Variants in UHRF2 observed in about 807,000 individuals in gnomAD.
UHRF2 encodes E3 ubiquitin-protein ligase UHRF2.
Under a neutral mutation model 96.8 loss-of-function variants are expected in UHRF2, and 23 were observed. The ratio of observed to expected loss-of-function variants is 0.24; its 90% CI spans 0.17 to 0.34. The LOEUF (loss-of-function observed/expected upper bound fraction) is 0.34. UHRF2 is among the 10% of genes least tolerant of loss of function. The pLI, the probability that UHRF2 is intolerant of heterozygous loss-of-function variation, is 1.00. For missense variants in UHRF2, 685 were observed against 981.5 expected (o/e 0.70, Z 4.04); for synonymous variants, 385 against 332.6 (o/e 1.16, Z -1.72).
chr9:6,466,213 CAGCAGGGTGAA>C (rs1822847393), intron 4 of UHRF2, among the ~76,000 whole-genome samples: 1 of 152,056 alleles, frequency 6.6e-6, no homozygotes, highest in South Asian at 2.1e-4. Context: ...CCAGCCTGGC[CAGCAGGGTGAA>C]ACCTCATCTC....
At chr9:6,477,545 A>T in intron 5 of UHRF2, 77 bp from the exon 6 acceptor site, 1 of 1,386,952 alleles carries the variant, frequency 7.2e-7, no homozygotes, top group Non-Finnish European at 9.7e-7. Flanking sequence ...TGCTGTTTCC[A>T]TGGGCTTTTC....
intron 10 of UHRF2, chr9:6,496,986 C>T (rs1825011800): frequency 2.1e-6 from 1 of 485,044 alleles, no homozygotes; most frequent in East Asian, 3.1e-5. Flanking sequence ...ATCTGAGAAC[C>T]AATCCCCTGG....
chr9:6,493,493 C>T (rs572635767), intron 9 of UHRF2, among the ~76,000 whole-genome samples: 1 of 152,206 alleles, frequency 6.6e-6, no homozygotes, highest in African/African-American at 2.4e-5. Context: ...TAAGTTTTAA[C>T]ATTGAATTGA....
intron 2 of UHRF2, among the ~76,000 whole-genome samples, chr9:6,424,776 A>ATT (rs200890506): frequency 0.016 from 2,153 of 135,016 alleles, 32 homozygotes; most frequent in Non-Finnish European, 0.023. Context: ...ATTTCTCAGG[A>ATT]TTTTTTTTTT....
intron 14 of UHRF2, 137 bp downstream of exon 14, chr9:6,500,846 T>A: frequency 1.3e-6 from 1 of 747,610 alleles, no homozygotes. Flanking sequence ...CCACTACCTT[T>A]CAGAAATAAT....
chr9:6,468,209 A>G (rs568208403), intron 4 of UHRF2, among the ~76,000 whole-genome samples: 4 of 152,354 alleles, frequency 2.6e-5, no homozygotes, highest in East Asian at 3.9e-4. Context: ...ATTATGATCA[A>G]TGGCATTTAG....
At chr9:6,462,281 C>CG (rs1369683503) in intron 4 of UHRF2, among the ~76,000 whole-genome samples, 1 of 118,594 alleles carries the variant, frequency 8.4e-6, no homozygotes, top group African/African-American at 3.2e-5. Flanking sequence ...AAACTACTTA[C>CG]TTTCTGGCTC....
chr9:6,477,837 G>C, intron 6 of UHRF2, 29 bp downstream of exon 6: 2 of 1,537,110 alleles, frequency 1.3e-6, no homozygotes, highest in Middle Eastern at 1.7e-4. Context: ...TGTTGTTGTT[G>C]TTCTTGCTGT....
chr9:6,480,120 C>T (rs1184976370), intron 6 of UHRF2, among the ~76,000 whole-genome samples: 1 of 152,154 alleles, frequency 6.6e-6, no homozygotes, highest in Admixed American at 6.5e-5. Context: ...ACTTACTAAC[C>T]TTGGTCTCTA....
At position 6,498,055 on chromosome 9, in the gene UHRF2, G is replaced by C. The variant is rs749567384; in HGVS notation, c.1805G>C (p.Gly602Ala). 1 of 1,613,508 alleles carries C rather than the reference G, an allele frequency of 6.2e-7. No individual in the cohort carries two copies. Among genetic ancestry groups the C allele is most frequent in the South Asian group, 1.1e-5 (1 of 91,048 alleles). ...KYWPEISSSH[G>A]FLVWRYLLRR... ...TGGCCAGAGATTTCATCAAGCCATG[G>C]ATTCTTGGTTTGGCGCTATCTTTTA... Residue 602 changes from glycine to alanine, a missense_variant, in exon 12 of 16, where the codon GGA becomes GCA. Around this residue, in one of 6 missense-constraint regions of UHRF2, gnomAD observed 73 missense variants for 283.7 expected, o/e 0.26. Transcript: ENST00000276893.
chr9:6,495,524 T>C (rs1200152247), intron 10 of UHRF2: 1 of 152,244 alleles, frequency 6.6e-6, no homozygotes, highest in South Asian at 2.1e-4. Context: ...CATTTTTGCT[T>C]CTTTGCTAAG....
Position 6,460,670 on chromosome 9 carries a change from G to T in UHRF2, c.742G>T (p.Val248Leu). The stretch of plus-strand genomic sequence containing the variant: ...GAATGAACTAAATGTTGGTGATGTG[G>T]TAATGGTTAATTATAATGTAGAAAG... ...KWNELNVGDV[V>L]MVNYNVESPG... is the part of the protein sequence containing the mutation. Residue 248 changes from valine to leucine, a missense_variant, in exon 4 of 16, where the codon GTA (valine) becomes TTA (leucine). Val to Leu is a conservative substitution (Grantham distance 32). This residue lies in a region of UHRF2 where 391 missense variants were observed against 437.0 expected (regional missense o/e 0.89). Transcript: ENST00000276893. 6.2e-7 allele frequency: 1 copy of T among 1,613,820 alleles called. No individual in the cohort carries two copies.
At chr9:6,454,844 C>T (rs1822081676) in intron 3 of UHRF2, among the ~76,000 whole-genome samples, 1 of 152,164 alleles carries the variant, frequency 6.6e-6, no homozygotes, top group Non-Finnish European at 1.5e-5. Context: ...TTCTATGGCA[C>T]AGTGGGTTTT....
intron 3 of UHRF2, among the ~76,000 whole-genome samples, chr9:6,451,814 T>C (rs1290077347): frequency 7.0e-6 from 1 of 143,734 alleles, no homozygotes; most frequent in Admixed American, 7.0e-5. Context: ...AGACAGAGTC[T>C]CAGTCTGTCA....
chr9:6,421,694 G>C (rs111251622), intron 2 of UHRF2, among the ~76,000 whole-genome samples: 3 of 152,120 alleles, frequency 2.0e-5, no homozygotes, highest in Admixed American at 2.0e-4. Context: ...TGGAATTACC[G>C]GGGTGAGCCA....
chr9:6,413,380 C>T lies in UHRF2; in HGVS notation c.-111C>T, dbSNP rs1224960745. The T allele has an allele frequency of 8.9e-7, 1 of 1,123,632 alleles. No individual in the cohort carries two copies. The highest frequency in any genetic ancestry group is 1.6e-5 in the African/African-American group (1 of 61,016). The allele number at this position is 1,123,632 out of a possible 1,614,324, so 69.6% of individuals were successfully genotyped here. A position where few individuals can be genotyped will look rare whatever the true frequency, so the allele number is the denominator to read the frequency against. On this transcript the variant is annotated 5_prime_UTR_variant, in exon 1 of 16. Coordinates refer to ENST00000276893, the MANE Select transcript of UHRF2 (RefSeq NM_152896.3). ...GGTCGGTCCGGTGGGCGCGCTCGCCCGCCTGCCGCTGAGGGCCCGAGCCGC... is the reference window on the plus strand; with the variant it reads ...GGTCGGTCCGGTGGGCGCGCTCGCCTGCCTGCCGCTGAGGGCCCGAGCCGC...
chr9:6,445,764 A>T (rs779034470), intron 3 of UHRF2, among the ~76,000 whole-genome samples: 4 of 152,102 alleles, frequency 2.6e-5, no homozygotes, highest in Admixed American at 2.6e-4. Flanking sequence ...GGGTCTCCCT[A>T]TGTTGCCTAG....
intron 9 of UHRF2, among the ~76,000 whole-genome samples, chr9:6,488,546 T>C (rs71490273): frequency 0.033 from 4,567 of 136,960 alleles, 99 homozygotes; most frequent in Middle Eastern, 0.075. Flanking sequence ...TTTTCTTTTT[T>C]TTTTTTTTTT....
At chr9:6,436,913 A>C (rs769214346) in intron 3 of UHRF2, among the ~76,000 whole-genome samples, 21 of 152,244 alleles carry the variant, frequency 1.4e-4, no homozygotes, top group Non-Finnish European at 2.6e-4. Flanking sequence ...CGATAGCTGA[A>C]CTTTCTTTGA....
Sources: allele counts gnomAD v4.1 joint callset (sites outside exome capture counted in the v4.1 genomes callset), GRCh38; gene constraint gnomAD v4.1.1; regional missense constraint gnomAD v4.1.1; transcripts MANE v1.5; gene names NCBI Gene and HGNC (gene_info 2026-07-23, HGNC 2026-07-21).